Variants in PAMR1 observed in about 807,000 individuals in gnomAD.
PAMR1 encodes the protein peptidase domain containing associated with muscle regeneration 1, also known as inactive serine protease PAMR1.
Under a neutral mutation model 81.8 loss-of-function variants are expected in PAMR1, and 88 were observed. That is an observed-to-expected ratio of 1.08 (90% CI 0.91 to 1.28). PAMR1 has a LOEUF of 1.28. Among genes scored for constraint, PAMR1 ranks in the 50% most tolerant of loss-of-function variants. PAMR1 has a pLI of 0.00. For synonymous variants in PAMR1, 336 were observed against 345.3 expected (o/e 0.97, Z 0.30); for missense variants, 935 against 919.7 (o/e 1.02, Z -0.21).
intron 1 of PAMR1, among the ~76,000 whole-genome samples, chr11:35,508,027 T>C (rs1851002651): frequency 1.3e-5 from 2 of 152,270 alleles, no homozygotes. Context: ...CCACTCTGAT[T>C]TGGTGTTTCT....
intron 1 of PAMR1, among the ~76,000 whole-genome samples, chr11:35,508,599 T>C (rs547309502): frequency 6.6e-6 from 1 of 150,762 alleles, no homozygotes; most frequent in African/African-American, 2.4e-5. Flanking sequence ...GTAAACTATG[T>C]ATCATGCAGG....
At chr11:35,521,984 G>A (rs766117059) in intron 1 of PAMR1, among the ~76,000 whole-genome samples, 2 of 151,734 alleles carry the variant, frequency 1.3e-5, no homozygotes, top group Admixed American at 6.6e-5. Context: ...GTGCAGTGGC[G>A]CGATCTTGGC....
intron 1 of PAMR1, among the ~76,000 whole-genome samples, chr11:35,496,490 C>T (rs150076313): frequency 5.6e-4 from 85 of 152,276 alleles, no homozygotes; most frequent in African/African-American, 1.7e-3. Flanking sequence ...GCTATATAAA[C>T]GGCCAACAAG....
In PAMR1 at chr11:35,492,125, C is replaced by T. The variant is rs757198444; in HGVS notation, c.299G>A (p.Gly100Glu). 2 of 1,614,114 alleles carry T rather than the reference C, an allele frequency of 1.2e-6. No individual in the cohort carries two copies. Among genetic ancestry groups the T allele is most frequent in the South Asian group, 1.1e-5 (1 of 91,074 alleles). ...CACATAGAAGTCATCCAAGGTACCCCCCCATGAGCCATTTCGGCAGCTCTT... is the reference window on the plus strand; with the variant it reads ...CACATAGAAGTCATCCAAGGTACCCTCCCATGAGCCATTTCGGCAGCTCTT... Reference protein sequence around the residue: ...NCKSCRNGSWGGTLDDFYVKG... With the variant: ...NCKSCRNGSWEGTLDDFYVKG... Residue 100 changes from glycine to glutamate, a missense_variant, in exon 3 of 11, where the codon GGG (glycine) becomes GAG (glutamate). Gly to Glu is a moderately conservative substitution (Grantham distance 98). Transcript: ENST00000619888.
chr11:35,495,396 T>C (rs1328954578), intron 1 of PAMR1, among the ~76,000 whole-genome samples: 1 of 152,106 alleles, frequency 6.6e-6, no homozygotes, highest in East Asian at 1.9e-4. Flanking sequence ...TTTCTTTTTT[T>C]ATATATACCT....
chr11:35,432,772 C>G lies in PAMR1; in HGVS notation c.1747G>C (p.Ala583Pro). The change falls in exon 11 of 11, where the codon GCC becomes CCC. Residue 583 changes from alanine (A) to proline (P), a missense_variant. Ala to Pro is a conservative substitution (Grantham distance 27). Transcript: ENST00000619888. ...STRVQPICLA[A>P]SRDLSTSFQE... ...AAGGAAGTGCTGAGATCCCGACTGG[C>G]AGCGAGGCAGATGGGCTGGACTCGG... The G allele has an allele frequency of 6.2e-7, 1 of 1,613,004 alleles. No individual in the cohort carries two copies. The highest frequency in any genetic ancestry group is 8.5e-7 in the Non-Finnish European group (1 of 1,180,032).
At chr11:35,463,424 C>T (rs1435951422) in intron 6 of PAMR1, among the ~76,000 whole-genome samples, 1 of 152,232 alleles carries the variant, frequency 6.6e-6, no homozygotes, top group Non-Finnish European at 1.5e-5. Flanking sequence ...GAAGTCCCAG[C>T]CCCGTCAACT....
chr11:35,458,537 T>C (rs138661655), intron 6 of PAMR1, among the ~76,000 whole-genome samples: 212 of 152,320 alleles, frequency 1.4e-3, no homozygotes, highest in African/African-American at 5.0e-3. Context: ...TTCTCTGATA[T>C]GAGCTGGGTT....
intron 1 of PAMR1, among the ~76,000 whole-genome samples, chr11:35,512,677 G>C (rs1309390565): frequency 2.6e-5 from 4 of 152,174 alleles, no homozygotes. Context: ...TGGTTGTGAT[G>C]AGTATACAAA....
intron 1 of PAMR1, among the ~76,000 whole-genome samples, chr11:35,519,196 T>G (rs760808215): frequency 6.6e-6 from 1 of 152,196 alleles, no homozygotes; most frequent in East Asian, 1.9e-4. Context: ...TGGTGTCTGA[T>G]AGACAGTAGA....
At chr11:35,461,263 G>A (rs1008649310) in intron 6 of PAMR1, among the ~76,000 whole-genome samples, 5 of 152,218 alleles carry the variant, frequency 3.3e-5, no homozygotes, top group Non-Finnish European at 5.9e-5. Context: ...TAAGCAAAGC[G>A]TTAGCAAAGC....
intron 6 of PAMR1, among the ~76,000 whole-genome samples, chr11:35,466,726 C>CA (rs71044519): frequency 0.14 from 9,199 of 63,454 alleles, 752 homozygotes; most frequent in Middle Eastern, 0.18. Flanking sequence ...GGCTCTATCT[C>CA]AAAAAAAAAA....
chr11:35,492,044 C>T lies in PAMR1; in HGVS notation c.379+1G>A, dbSNP rs372525163. ...ATGGAGCTAGGTCAAGGTCTACTTA[C>T]GCATGCAGTCTCCTCCGTACCAGCC... On this transcript the variant is annotated splice_donor_variant, in intron 3 of 10. Coordinates refer to ENST00000619888, the MANE Select transcript of PAMR1 (RefSeq NM_001001991.3). LOFTEE classifies it high-confidence loss of function. The T allele has an allele frequency of 3.1e-5, 50 of 1,610,932 alleles. No homozygotes were observed. Among genetic ancestry groups the T allele is most frequent in the East Asian group, 4.5e-5 (2 of 44,730 alleles).
chr11:35,487,175 A>G (rs1590366115), intron 3 of PAMR1, among the ~76,000 whole-genome samples: 1 of 151,818 alleles, frequency 6.6e-6, no homozygotes, highest in East Asian at 1.9e-4. Context: ...GACCCATGAG[A>G]AAGAACAAAC....
intron 1 of PAMR1, among the ~76,000 whole-genome samples, chr11:35,502,421 C>T (rs658652): frequency 0.32 from 47,862 of 151,664 alleles, 7,608 homozygotes; most frequent in African/African-American, 0.38. Flanking sequence ...ACCCACCTTC[C>T]TCTAACAGGC....
In PAMR1 at chr11:35,435,245, G is replaced by A. The variant is rs568396955; in HGVS notation, c.1334-441C>T. 1.3e-4 allele frequency among the ~76,000 whole-genome samples: 20 copies of A among 152,260 alleles called. No homozygotes were observed. In the East Asian group the frequency reaches 2.1e-3, roughly 16 times the overall value. ...AACTAAATCATATTGTTCTCCTTTC[G>A]CAAAGAGGATGGGGAAGGCAGCTTA... On this transcript the variant is annotated intron_variant, in intron 9 of 10. Transcript: ENST00000619888.
At chr11:35,442,458 T>C (rs1280963974) in intron 6 of PAMR1, among the ~76,000 whole-genome samples, 1 of 152,196 alleles carries the variant, frequency 6.6e-6, no homozygotes, top group Non-Finnish European at 1.5e-5. Flanking sequence ...CATATTTCTC[T>C]CAAATAGATT....
intron 3 of PAMR1, among the ~76,000 whole-genome samples, chr11:35,477,717 T>C (rs755475452): frequency 3.9e-5 from 6 of 152,226 alleles, no homozygotes; most frequent in African/African-American, 1.2e-4. Flanking sequence ...AGCAGAGATA[T>C]GACCTTGGAT....
At chr11:35,439,598 A>G in intron 8 of PAMR1, 29 bp downstream of exon 8, 1 of 1,570,944 alleles carries the variant, frequency 6.4e-7, no homozygotes, top group Non-Finnish European at 8.8e-7. Flanking sequence ...ATTAGCCTTC[A>G]GGGCAGAGTG....
Sources: gnomAD v4.1 joint callset for allele counts (sites outside exome capture counted in the v4.1 genomes callset) on GRCh38, gnomAD v4.1.1 for gene constraint, MANE v1.5 for transcripts, NCBI Gene and HGNC (gene_info 2026-07-23, HGNC 2026-07-21) for gene names.